The following BTLA variants were observed in gnomAD, a reference collection of about 807,000 sequenced individuals.
The protein encoded by BTLA is B and T lymphocyte associated, also known as B- and T-lymphocyte attenuator.
BTLA carries 11 observed loss-of-function variants against 25.0 expected under a neutral mutation model. That is an observed-to-expected ratio of 0.44 (90% CI 0.28 to 0.73). The LOEUF (loss-of-function observed/expected upper bound fraction) is 0.73, where lower values mean the gene tolerates loss of function less well. Among genes scored for constraint, BTLA ranks in the 30% least tolerant of loss-of-function variants. BTLA has a pLI of 0.15. For missense variants in BTLA, 282 were observed against 332.8 expected (o/e 0.85, Z 1.19); for synonymous variants, 104 against 119.8 (o/e 0.87, Z 0.86).
At chr3:112,470,767 G>T (rs1007123891) in intron 3 of BTLA, among the ~76,000 whole-genome samples, 2 of 152,160 alleles carry the variant, frequency 1.3e-5, no homozygotes, top group Non-Finnish European at 2.9e-5. Context: ...TGGGGACATT[G>T]GTTCTTCAGT....
intron 2 of BTLA, among the ~76,000 whole-genome samples, chr3:112,471,898 A>C (rs1476146876): frequency 6.6e-6 from 1 of 152,240 alleles, no homozygotes; most frequent in Non-Finnish European, 1.5e-5. Flanking sequence ...CACACAGCTA[A>C]TGCGCATTAC....
chr3:112,471,288 A>G lies in BTLA; in HGVS notation c.471T>C (p.Arg157=). 2 of 1,614,070 alleles carry G rather than the reference A, an allele frequency of 1.2e-6. No homozygotes were observed. Among genetic ancestry groups the G allele is most frequent in the South Asian group, 2.2e-5 (2 of 91,072 alleles). The change falls in exon 3 of 5, where the codon CGT becomes CGC. Residue 157 remains arginine (R), a synonymous_variant. Coordinates refer to ENST00000334529, the MANE Select transcript of BTLA (RefSeq NM_181780.4). ...EMASRPWLLY[R]LLPLGGLPLL... is the part of the protein sequence containing the mutation. ...GAGGCAATCCCCCCAAAGGAAGTAA[A>G]CGATACAGGAGCCAGGGTCTGCTTG...
At chr3:112,472,119 T>C (rs1253364929) in intron 2 of BTLA, among the ~76,000 whole-genome samples, 2 of 152,174 alleles carry the variant, frequency 1.3e-5, no homozygotes, top group African/African-American at 2.4e-5. Context: ...CATTTTTGGC[T>C]GTAACAAGGT....
chr3:112,489,184 G>A (rs953441311), intron 1 of BTLA, among the ~76,000 whole-genome samples: 5 of 152,070 alleles, frequency 3.3e-5, no homozygotes, highest in Non-Finnish European at 5.9e-5. Context: ...CTCAGGGGTG[G>A]ATATTAAAAA....
chr3:112,466,033 G>T lies in BTLA; in HGVS notation c.*75C>A. On this transcript the variant is annotated 3_prime_UTR_variant, in exon 5 of 5. Coordinates refer to ENST00000334529, the MANE Select transcript of BTLA (RefSeq NM_181780.4). ...ATTCTCAAATTGAGAAATATTATTT[G>T]ACATCCTGTTGAGCCCAGACAATGA... The T allele has an allele frequency of 1.4e-6, 2 of 1,395,946 alleles. No individual in the cohort carries two copies. Among genetic ancestry groups the T allele is most frequent in the South Asian group, 3.4e-5 (2 of 59,458 alleles). 86.5% of individuals were successfully genotyped at this position (1,395,946 alleles called of 1,614,324 possible).
chr3:112,471,068 T>A, intron 3 of BTLA, 144 bp downstream of exon 3: 1 of 1,155,372 alleles, frequency 8.7e-7, no homozygotes, highest in Non-Finnish European at 1.2e-6. Context: ...AGCGCAAATA[T>A]GAGTTGTCTT....
chr3:112,489,242 G>T (rs1468852567), intron 1 of BTLA, among the ~76,000 whole-genome samples: 1 of 152,100 alleles, frequency 6.6e-6, no homozygotes, highest in Non-Finnish European at 1.5e-5. Context: ...CAGATCAGCT[G>T]ATCAGAAAGG....
Position 112,471,375 on chromosome 3 carries a change from TAAAG to T in BTLA, c.404-24_404-21del. 6.2e-7 allele frequency: 1 copy of T among 1,611,674 alleles called. No homozygotes were observed. Among genetic ancestry groups the T allele is most frequent in the Non-Finnish European group, 8.5e-7 (1 of 1,178,418 alleles). Reference sequence around the variant, plus strand: ...TTACATCTGGAATGTTAGTAAATGCTAAAGAGAGTTAGGAAATCTGAGATATATT... The same window carrying T: ...TTACATCTGGAATGTTAGTAAATGCTAGAGTTAGGAAATCTGAGATATATT... On this transcript the variant is annotated intron_variant, in intron 2 of 4. Coordinates refer to ENST00000334529, the MANE Select transcript of BTLA (RefSeq NM_181780.4).
chr3:112,496,599 G>A (rs960919783), intron 1 of BTLA, among the ~76,000 whole-genome samples: 14 of 152,138 alleles, frequency 9.2e-5, no homozygotes, highest in African/African-American at 3.1e-4. Flanking sequence ...CAAGATATAA[G>A]GTATTTAATG....
At chr3:112,483,140 CTTTTTTTTTTTT>C (rs35513528) in intron 1 of BTLA, among the ~76,000 whole-genome samples, 2 of 51,656 alleles carry the variant, frequency 3.9e-5, no homozygotes, top group African/African-American at 5.9e-5. Flanking sequence ...GGGCACCTTT[CTTTTTTTTTTTT>C]TTTTTTTTTT....
rs952121403 is a variant in BTLA, at chr3:112,466,263, C to A, written c.715G>T (p.Gly239Trp). The A allele has an allele frequency of 1.9e-6, 3 of 1,613,960 alleles. No individual in the cohort carries two copies. Among genetic ancestry groups the A allele is most frequent in the African/African-American group, 1.3e-5 (1 of 74,926 alleles). The change falls in exon 5 of 5, where the codon GGG (glycine) becomes TGG (tryptophan). Residue 239 changes from glycine to tryptophan, a missense_variant. Physicochemically the swap from Gly to Trp is radical, Grantham distance 184. Around this residue, in one of 2 missense-constraint regions of BTLA, gnomAD observed 119 missense variants for 102.3 expected, o/e 1.16. Transcript: ENST00000334529. ...CATGGATTAGAATAAACTTCAGACC[C>A]TTCCTGCATCCTGAAACAAAGGTCA... ...DPDLCFRMQE[G>W]SEVYSNPCLE...
intron 1 of BTLA, among the ~76,000 whole-genome samples, chr3:112,494,422 A>C (rs1054336141): frequency 2.6e-5 from 4 of 152,244 alleles, no homozygotes; most frequent in African/African-American, 9.6e-5. Flanking sequence ...TCAAAGGAAT[A>C]TAAATCATTC....
At chr3:112,490,291 TTAAG>T (rs1211851194) in intron 1 of BTLA, among the ~76,000 whole-genome samples, 1 of 152,110 alleles carries the variant, frequency 6.6e-6, no homozygotes, top group African/African-American at 2.4e-5. Context: ...CTGGAGAAAA[TTAAG>T]TAAGTATGAC....
chr3:112,483,140 CTTTTTTTT>C (rs35513528), intron 1 of BTLA, among the ~76,000 whole-genome samples: 2 of 51,668 alleles, frequency 3.9e-5, no homozygotes, highest in East Asian at 5.5e-4. Flanking sequence ...GGGCACCTTT[CTTTTTTTT>C]TTTTTTTTTT....
chr3:112,491,938 C>G (rs1207262017), intron 1 of BTLA, among the ~76,000 whole-genome samples: 2 of 152,204 alleles, frequency 1.3e-5, no homozygotes. Context: ...TAAGCATGCT[C>G]TTCTTTTATG....
chr3:112,470,765 T>C (rs1272382071), intron 3 of BTLA, among the ~76,000 whole-genome samples: 3 of 152,176 alleles, frequency 2.0e-5, no homozygotes, highest in Non-Finnish European at 4.4e-5. Context: ...TCTGGGGACA[T>C]TGGTTCTTCA....
At chr3:112,481,117 C>G (rs377354545) in intron 1 of BTLA, among the ~76,000 whole-genome samples, 19 of 152,286 alleles carry the variant, frequency 1.2e-4, no homozygotes, top group South Asian at 8.3e-4. Flanking sequence ...CAAAACCCAA[C>G]AGAGAAATAA....
chr3:112,488,186 T>C (rs2082358876), intron 1 of BTLA, among the ~76,000 whole-genome samples: 1 of 151,432 alleles, frequency 6.6e-6, no homozygotes, highest in African/African-American at 2.4e-5. Flanking sequence ...TCCCTCCACC[T>C]CAATTCTCCA....
chr3:112,483,302 C>G (rs966255652), intron 1 of BTLA, among the ~76,000 whole-genome samples: 2 of 151,862 alleles, frequency 1.3e-5, no homozygotes, highest in African/African-American at 4.8e-5. Flanking sequence ...GCGCCCACCA[C>G]CACGCCCAGC....
Sources: gnomAD v4.1 joint callset for allele counts (sites outside exome capture counted in the v4.1 genomes callset) on GRCh38, gnomAD v4.1.1 for gene constraint, gnomAD v4.1.1 regional missense constraint, MANE v1.5 for transcripts, NCBI Gene and HGNC (gene_info 2026-07-23, HGNC 2026-07-21) for gene names.